CAMK1D: variants seen among roughly 807,000 people sequenced by gnomAD.
CAMK1D encodes the protein calcium/calmodulin-dependent protein kinase type 1D.
A neutral mutation model predicts 47.7 loss-of-function variants in CAMK1D; 9 were observed. The observed-to-expected ratio is 0.19, with a 90% CI of 0.11 to 0.33. The LOEUF (loss-of-function observed/expected upper bound fraction) is 0.33. Among genes scored for constraint, CAMK1D ranks in the 10% least tolerant of loss-of-function variants. CAMK1D has a pLI of 1.00. For synonymous variants in CAMK1D, 184 were observed against 184.9 expected (o/e 0.99, Z 0.04); for missense variants, 291 against 488.7 (o/e 0.60, Z 3.81).
Position 12,749,599 on chromosome 10 carries a change from C to T in CAMK1D, c.300-11349C>T, listed in dbSNP as rs922389195. 5.4e-5 allele frequency among the ~76,000 whole-genome samples: 8 copies of T among 148,520 alleles called. No homozygotes were observed. In the East Asian group the frequency reaches 1.6e-3, roughly 29 times the overall value. On this transcript the variant is annotated intron_variant, in intron 3 of 10. Transcript: ENST00000619168. ...GTTTTGATGAAGTCTCGCTCTGTCA[C>T]CCAGGCCGAAGTGCAGTGGCACAGT...
chr10:12,770,266 C>T (rs1408804399), intron 5 of CAMK1D, among the ~76,000 whole-genome samples: 1 of 152,182 alleles, frequency 6.6e-6, no homozygotes, highest in Non-Finnish European at 1.5e-5. Context: ...ATCAGTTAAC[C>T]CTGATCTGTA....
intron 2 of CAMK1D, among the ~76,000 whole-genome samples, chr10:12,588,778 G>GTATA (rs375676578): frequency 6.7e-6 from 1 of 149,580 alleles, no homozygotes; most frequent in African/African-American, 2.5e-5. Context: ...AAGTGCATAT[G>GTATA]TATATATATA....
chr10:12,697,152 A>T (rs921897351), intron 3 of CAMK1D, among the ~76,000 whole-genome samples: 7 of 152,224 alleles, frequency 4.6e-5, no homozygotes, highest in Non-Finnish European at 1.5e-5. Context: ...TTAGAGGGAA[A>T]TGTGGAGGCA....
At chr10:12,426,376 A>G (rs1017974295) in intron 1 of CAMK1D, among the ~76,000 whole-genome samples, 1 of 151,998 alleles carries the variant, frequency 6.6e-6, no homozygotes, top group Non-Finnish European at 1.5e-5. Context: ...CCTCTGGAAT[A>G]GCTGGGATTA....
chr10:12,742,263 T>C (rs933992242), intron 3 of CAMK1D, among the ~76,000 whole-genome samples: 1 of 152,212 alleles, frequency 6.6e-6, no homozygotes, highest in Non-Finnish European at 1.5e-5. Flanking sequence ...AGCCCTCAAG[T>C]AGCTGGGACT....
intron 3 of CAMK1D, among the ~76,000 whole-genome samples, chr10:12,692,469 A>G (rs1832966027): frequency 6.6e-6 from 1 of 152,226 alleles, no homozygotes; most frequent in Non-Finnish European, 1.5e-5. Context: ...AGATGTACCT[A>G]AGATTTAACT....
intron 1 of CAMK1D, among the ~76,000 whole-genome samples, chr10:12,401,172 TTATATATATTATA>T (rs1839186140): frequency 4.0e-5 from 2 of 49,984 alleles, no homozygotes; most frequent in African/African-American, 1.8e-4. Context: ...AATATATGTA[TTATATATATTATA>T]TATATATTTT....
At chr10:12,666,987 C>A (rs775659006) in intron 3 of CAMK1D, 177 bp downstream of exon 3, 3 of 594,550 alleles carry the variant, frequency 5.0e-6, no homozygotes, top group Admixed American at 6.0e-5. Context: ...TGCACACAGG[C>A]GTCTACAGGC....
At chr10:12,730,041 C>A (rs76967726) in intron 3 of CAMK1D, among the ~76,000 whole-genome samples, 2 of 152,108 alleles carry the variant, frequency 1.3e-5, no homozygotes, top group Non-Finnish European at 1.5e-5. Context: ...ATCCCACTTG[C>A]GTTTGAACAG....
chr10:12,438,274 G>A (rs1032216019), intron 1 of CAMK1D, among the ~76,000 whole-genome samples: 3 of 152,102 alleles, frequency 2.0e-5, no homozygotes, highest in Non-Finnish European at 4.4e-5. Context: ...TTTGTTTTTG[G>A]CTGCTGCATG....
At chr10:12,475,433 C>T (rs985764504) in intron 1 of CAMK1D, among the ~76,000 whole-genome samples, 1 of 152,132 alleles carries the variant, frequency 6.6e-6, no homozygotes, top group African/African-American at 2.4e-5. Flanking sequence ...CAAGGTTTGT[C>T]CATGTTGCAG....
intron 3 of CAMK1D, among the ~76,000 whole-genome samples, chr10:12,732,945 G>A (rs1412578266): frequency 6.6e-6 from 1 of 152,080 alleles, no homozygotes; most frequent in Non-Finnish European, 1.5e-5. Context: ...TCTGTTGAAT[G>A]GAGACAATAG....
chr10:12,618,351 C>G (rs192874202), intron 2 of CAMK1D, among the ~76,000 whole-genome samples: 70 of 152,292 alleles, frequency 4.6e-4, no homozygotes, highest in African/African-American at 1.6e-3. Flanking sequence ...TTCGCACTTT[C>G]AATGCATGCT....
intron 1 of CAMK1D, among the ~76,000 whole-genome samples, chr10:12,489,508 G>T (rs1018670797): frequency 1.3e-5 from 2 of 152,162 alleles, no homozygotes; most frequent in Admixed American, 6.5e-5. Context: ...TTAATCAAGC[G>T]GTAGGGAAGC....
chr10:12,371,576 A>G (rs1323769384), intron 1 of CAMK1D, among the ~76,000 whole-genome samples: 2 of 147,094 alleles, frequency 1.4e-5, no homozygotes, highest in Non-Finnish European at 3.0e-5. Flanking sequence ...ACTGTCCCGA[A>G]AAAAAAAAAA....
intron 2 of CAMK1D, among the ~76,000 whole-genome samples, chr10:12,618,735 TCTC>T (rs1487133015): frequency 6.6e-6 from 1 of 152,196 alleles, no homozygotes; most frequent in Non-Finnish European, 1.5e-5. Flanking sequence ...AAGAGACTCT[TCTC>T]AAGAAGTTTA....
chr10:12,384,093 A>G (rs935243807), intron 1 of CAMK1D, among the ~76,000 whole-genome samples: 10 of 152,228 alleles, frequency 6.6e-5, no homozygotes, highest in African/African-American at 2.2e-4. Context: ...TAAGAGAACA[A>G]TCTCGTTTAT....
At chr10:12,500,063 C>T (rs188610618) in intron 1 of CAMK1D, among the ~76,000 whole-genome samples, 6 of 152,150 alleles carry the variant, frequency 3.9e-5, no homozygotes, top group Admixed American at 6.5e-5. Context: ...GTCAGGAGTT[C>T]GAGACCAGCC....
intron 1 of CAMK1D, among the ~76,000 whole-genome samples, chr10:12,380,646 A>G (rs566882073): frequency 5.9e-5 from 9 of 152,158 alleles, no homozygotes; most frequent in South Asian, 4.2e-4. Flanking sequence ...TCACGAGGTC[A>G]GAGATCGAGA....
Sources: gnomAD v4.1 joint callset for allele counts (sites outside exome capture counted in the v4.1 genomes callset) on GRCh38, gnomAD v4.1.1 for gene constraint, MANE v1.5 for transcripts, NCBI Gene and HGNC (gene_info 2026-07-23, HGNC 2026-07-21) for gene names.